HPSE2: variants seen among roughly 807,000 people sequenced by gnomAD.
The protein encoded by HPSE2 is heparanase 2 (inactive), also known as inactive heparanase-2.
In HPSE2, 38 loss-of-function variants were observed where a neutral mutation model predicts 60.5. The ratio of observed to expected loss-of-function variants is 0.63; its 90% CI spans 0.48 to 0.82. The LOEUF (loss-of-function observed/expected upper bound fraction) is 0.82, where lower values mean the gene tolerates loss of function less well. HPSE2 is among the 40% of genes least tolerant of loss of function. The probability of loss-of-function intolerance (pLI) is 0.00; values close to 1 mark genes in which losing one functional copy is unlikely to be tolerated. For missense variants in HPSE2, 713 were observed against 740.4 expected, an observed-to-expected ratio of 0.96 and a Z score of 0.43; for synonymous variants, 295 against 293.2, an observed-to-expected ratio of 1.01 and a Z score of -0.06.
chr10:99,127,771 A>G (rs1198057960), intron 3 of HPSE2, among the ~76,000 whole-genome samples: 1 of 152,198 alleles, frequency 6.6e-6, no homozygotes, highest in Non-Finnish European at 1.5e-5. Flanking sequence ...CTATACAGAA[A>G]AACCTATAAG....
chr10:99,278,750 T>C, the HPSE2 span, among the ~76,000 whole-genome samples: 1 of 152,218 alleles, frequency 6.6e-6, no homozygotes, highest in Non-Finnish European at 1.5e-5. Context: ...ATTTGGACTT[T>C]CTATTTCTTC....
intron 9 of HPSE2, among the ~76,000 whole-genome samples, chr10:98,579,968 A>G (rs1260527050): frequency 6.6e-6 from 1 of 152,136 alleles, no homozygotes. Flanking sequence ...TAAGTCTGCT[A>G]CCCAGCTGGT....
At chr10:99,275,513 T>G in the HPSE2 span, among the ~76,000 whole-genome samples, 1 of 152,140 alleles carries the variant, frequency 6.6e-6, no homozygotes, top group South Asian at 2.1e-4. Flanking sequence ...TTAGACAAAC[T>G]GGAACATGTT....
At chr10:99,257,665 T>A in the HPSE2 span, among the ~76,000 whole-genome samples, 2 of 152,306 alleles carry the variant, frequency 1.3e-5, no homozygotes, top group Non-Finnish European at 2.9e-5. Context: ...GGTCCTGTGG[T>A]CCTGTGATCT....
chr10:99,153,515 A>T lies in HPSE2; in HGVS notation c.449-9116T>A, dbSNP rs569727506. Among the ~76,000 whole-genome samples the T allele has an allele frequency of 4.6e-5, 7 of 152,088 alleles. No individual in the cohort carries two copies. The South Asian group carries it at 1.5e-3, about 32-fold the overall frequency. On this transcript the variant is annotated intron_variant, in intron 2 of 11. Transcript: ENST00000370552. ...ACACTGACACCTCACACGGCAGGGTATTCCAACAGACCTGCAGCTGAGGGT... is the reference window on the plus strand; with the variant it reads ...ACACTGACACCTCACACGGCAGGGTTTTCCAACAGACCTGCAGCTGAGGGT...
rs1001816687 is a variant in HPSE2 at position 99,126,375 on chromosome 10, T to C, written c.610+17863A>G. 1.6e-5 allele frequency among the ~76,000 whole-genome samples: 2 copies of C among 126,656 alleles called. No homozygotes were observed. The highest frequency in any genetic ancestry group is 5.0e-5 in the African/African-American group (2 of 39,988). The allele number at this position is 126,656 out of a possible 152,430, so 83.1% of individuals were successfully genotyped here. ...GATGGTATTTCACTACCTGCCCTAG[T>C]AGCTGAACAGAAAAGACAGCTCATC... On this transcript the variant is annotated intron_variant, in intron 3 of 11. Transcript: ENST00000370552. The surrounding 1 kb of genome is among the most constrained non-coding windows in gnomAD (Gnocchi z 4.0).
chr10:98,484,523 C>A (rs891550493), intron 10 of HPSE2, among the ~76,000 whole-genome samples: 1 of 152,248 alleles, frequency 6.6e-6, no homozygotes, highest in African/African-American at 2.4e-5. Flanking sequence ...AGGCGTTAGA[C>A]ACCATGCCCG....
At chr10:99,055,771 AC>A (rs1361883907) in intron 3 of HPSE2, among the ~76,000 whole-genome samples, 1 of 152,156 alleles carries the variant, frequency 6.6e-6, no homozygotes, top group Non-Finnish European at 1.5e-5. Flanking sequence ...TGTATTTCTA[AC>A]TGAATAATAA....
In HPSE2 at chr10:98,508,398, T is replaced by C. The variant is rs530484558; in HGVS notation, c.1321-18202A>G. ...ATTTGCTGGATTAATTGCTCAACTA[T>C]GTGTTCCCCGAGGTCTAAGACTCAC... is the stretch of plus-strand genomic sequence containing the variant. On this transcript the variant is annotated intron_variant, in intron 9 of 11. Coordinates refer to ENST00000370552, the MANE Select transcript of HPSE2 (RefSeq NM_021828.5). Among the ~76,000 whole-genome samples the C allele has an allele frequency of 3.3e-5, 5 of 152,322 alleles. No individual in the cohort carries two copies. The South Asian group carries it at 8.3e-4, about 25-fold the overall frequency.
At chr10:98,514,120 C>T (rs1015745772) in intron 9 of HPSE2, among the ~76,000 whole-genome samples, 1 of 151,992 alleles carries the variant, frequency 6.6e-6, no homozygotes, top group Non-Finnish European at 1.5e-5. Context: ...CTTTCTGAAA[C>T]ATGGTATAAA....
chr10:99,158,670 G>A (rs563530148), intron 2 of HPSE2, among the ~76,000 whole-genome samples: 1,723 of 146,944 alleles, frequency 0.012, 31 homozygotes, highest in African/African-American at 0.039. Flanking sequence ...TGGGTGCAGC[G>A]CACCAGCATG....
At chr10:99,233,869 C>T (rs1849751346) in intron 1 of HPSE2, among the ~76,000 whole-genome samples, 2 of 152,172 alleles carry the variant, frequency 1.3e-5, no homozygotes, top group South Asian at 2.1e-4. Context: ...GTTCCAACAA[C>T]CTTTCATCCA....
At chr10:99,307,830 G>A in the HPSE2 span, among the ~76,000 whole-genome samples, 6 of 141,106 alleles carry the variant, frequency 4.3e-5, no homozygotes, top group Non-Finnish European at 6.1e-5. Flanking sequence ...CCTAGTAAAT[G>A]CGCACACACA....
At chr10:98,496,323 C>T (rs1049686162) in intron 9 of HPSE2, among the ~76,000 whole-genome samples, 1 of 152,188 alleles carries the variant, frequency 6.6e-6, no homozygotes, top group African/African-American at 2.4e-5. Context: ...TCTTTTAAAT[C>T]CCCTACAGTC....
intron 7 of HPSE2, among the ~76,000 whole-genome samples, chr10:98,634,706 T>C (rs1450044421): frequency 4.6e-5 from 7 of 152,240 alleles, no homozygotes; most frequent in African/African-American, 9.6e-5. Context: ...AGTGGCATAA[T>C]GTCACTACAT....
intron 11 of HPSE2, among the ~76,000 whole-genome samples, chr10:98,470,183 CAT>C (rs960202005): frequency 2.6e-5 from 4 of 152,098 alleles, no homozygotes; most frequent in East Asian, 3.9e-4. Flanking sequence ...GTTTAACACA[CAT>C]GTTAAGGTGA....
chr10:98,998,333 G>A (rs531255184), intron 3 of HPSE2, among the ~76,000 whole-genome samples: 19 of 152,234 alleles, frequency 1.2e-4, no homozygotes, highest in African/African-American at 4.1e-4. Context: ...ATTTTCAGTG[G>A]TTTTTCCTGT....
chr10:98,637,518 G>T (rs182579682), intron 7 of HPSE2, among the ~76,000 whole-genome samples: 5 of 152,164 alleles, frequency 3.3e-5, no homozygotes, highest in Non-Finnish European at 7.3e-5. Flanking sequence ...TACCTAAGAG[G>T]GAGGGAGAAT....
chr10:98,939,256 G>T (rs1430316733), intron 3 of HPSE2, among the ~76,000 whole-genome samples: 1 of 143,764 alleles, frequency 7.0e-6, no homozygotes, highest in African/African-American at 2.8e-5. Flanking sequence ...ATTGTAAATG[G>T]ATTAAATGCT....
Sources: gnomAD v4.1 joint callset for allele counts (sites outside exome capture counted in the v4.1 genomes callset) on GRCh38, gnomAD v4.1.1 for gene constraint, Gnocchi (gnomAD v3.1) non-coding constraint, MANE v1.5 for transcripts, NCBI Gene and HGNC (gene_info 2026-07-23, HGNC 2026-07-21) for gene names.